ITGA10: variants seen among roughly 807,000 people sequenced by gnomAD.
The protein encoded by ITGA10 is integrin subunit alpha 10.
ITGA10 carries 105 observed loss-of-function variants against 145.2 expected under a neutral mutation model. The observed-to-expected ratio is 0.72, with a 90% CI of 0.62 to 0.85. ITGA10 has a LOEUF of 0.85. ITGA10 is among the 40% of genes least tolerant of loss of function. ITGA10 has a pLI of 0.00. For synonymous variants in ITGA10, 506 were observed against 557.8 expected (o/e 0.91, Z 1.31); for missense variants, 1,317 against 1,444.5 (o/e 0.91, Z 1.43).
rs1655611533 is a variant in ITGA10, at chr1:145,897,580, T to C, written c.2506A>G (p.Asn836Asp). Residue 836 changes from asparagine to aspartate, a missense_variant, in exon 20 of 30, where the codon AAT (asparagine) becomes GAT (aspartate). Physicochemically the swap from Asn to Asp is conservative, Grantham distance 23. Coordinates refer to ENST00000369304, the MANE Select transcript of ITGA10 (RefSeq NM_003637.5). ...AGACTCAGGCTCGTATTGTAAGCAT[T>C]TTCCTTTCTGTTCTCCAGAGTTGTA... is the stretch of plus-strand genomic sequence containing the variant. The part of the protein sequence containing the change: ...VSTTLENRKE[N>D]AYNTSLSLIF... 6.2e-7 allele frequency: 1 copy of C among 1,613,902 alleles called. No homozygotes were observed. Among genetic ancestry groups the C allele is most frequent in the African/African-American group, 1.3e-5 (1 of 74,850 alleles).
chr1:145,902,628 T>A lies in ITGA10; in HGVS notation c.910-9A>T, dbSNP rs782347117. On this transcript the variant is annotated splice_polypyrimidine_tract_variant and intron_variant, in intron 8 of 29. Transcript: ENST00000369304. ...AGGTAGTGACCAAGGACCTAAGAGGTCATAAGATCAAGGAATGAGGCATTA... is the reference window on the plus strand; with the variant it reads ...AGGTAGTGACCAAGGACCTAAGAGGACATAAGATCAAGGAATGAGGCATTA... The A allele has an allele frequency of 1.3e-6, 2 of 1,589,146 alleles. No homozygotes were observed. Among genetic ancestry groups the A allele is most frequent in the South Asian group, 2.3e-5 (2 of 85,802 alleles).
Position 145,892,723 on chromosome 1 carries a change from C to G in ITGA10, c.*75G>C. Reference sequence around the variant, plus strand: ...GAGGCGGCTTCTTGTCCCATCTGAGCCCCCAAACCTCTGCTTTTATGCAAG... The same window carrying G: ...GAGGCGGCTTCTTGTCCCATCTGAGGCCCCAAACCTCTGCTTTTATGCAAG... On this transcript the variant is annotated 3_prime_UTR_variant, in exon 30 of 30. Coordinates refer to ENST00000369304, the MANE Select transcript of ITGA10 (RefSeq NM_003637.5). 1.7e-6 allele frequency: 2 copies of G among 1,155,560 alleles called. No individual in the cohort carries two copies. Among genetic ancestry groups the G allele is most frequent in the South Asian group, 2.5e-5 (2 of 79,242 alleles). 71.6% of individuals were successfully genotyped at this position (1,155,560 alleles called of 1,614,324 possible).
At chr1:145,896,467 G>T (rs1420001052) in intron 23 of ITGA10, 115 bp from the exon 24 acceptor site, 2 of 806,092 alleles carry the variant, frequency 2.5e-6, no homozygotes, top group Non-Finnish European at 4.4e-6. Context: ...CATGGATAAA[G>T]AGGTGGGGGT....
At position 145,901,988 on chromosome 1, in the gene ITGA10, C is replaced by T; in HGVS notation, c.1183G>A (p.Asp395Asn). 1.2e-6 allele frequency: 2 copies of T among 1,614,146 alleles called. No individual in the cohort carries two copies. Among genetic ancestry groups the T allele is most frequent in the Non-Finnish European group, 1.7e-6 (2 of 1,180,026 alleles). Residue 395 changes from aspartate to asparagine, a missense_variant, in exon 11 of 30, where the codon GAC (aspartate) becomes AAC (asparagine). By Grantham distance (23) the Asp-to-Asn change is conservative. Transcript: ENST00000369304. This position sits in a 1 kb window ranked among gnomAD's most constrained non-coding sequence, Gnocchi z 4.3. ...AGCCATAGCACAGAGCCTCCCCAGT[C>T]ATAGGCCCCCACCATCCCAAAAAGA... ...GILFGMVGAY[D>N]WGGSVLWLEG... is the part of the protein sequence containing the mutation.
At position 145,906,955 on chromosome 1, in the gene ITGA10, G is replaced by A. The variant is rs1215062608; in HGVS notation, c.274+86C>T. ...GGACAGGGAGTATGCGGATTTTAGG[G>A]GTGAAAAAGCTGAGGTATAGGGAGT... On this transcript the variant is annotated intron_variant, in intron 3 of 29. Transcript: ENST00000369304. 1.4e-5 allele frequency: 16 copies of A among 1,173,382 alleles called. No individual in the cohort carries two copies. In the East Asian group the frequency reaches 3.9e-4, roughly 28 times the overall value. The allele number at this position is 1,173,382 out of a possible 1,614,324, so 72.7% of individuals were successfully genotyped here. A position where few individuals can be genotyped will look rare whatever the true frequency, so the allele number is the denominator to read the frequency against.
chr1:145,902,977 A>C lies in ITGA10; in HGVS notation c.759-16T>G. The C allele has an allele frequency of 6.4e-7, 1 of 1,570,456 alleles. No homozygotes were observed. The highest frequency in any genetic ancestry group is 8.6e-7 in the Non-Finnish European group (1 of 1,159,518). On this transcript the variant is annotated splice_polypyrimidine_tract_variant and intron_variant, in intron 7 of 29. Coordinates refer to ENST00000369304, the MANE Select transcript of ITGA10 (RefSeq NM_003637.5). ...CCCTTCTGTGCTGAGAAGAGAAAGG[A>C]GTGAGGTGAGATCAGATGTATGCAG...
At chr1:145,894,744 C>T (rs1246709661) in intron 27 of ITGA10, among the ~76,000 whole-genome samples, 1 of 152,190 alleles carries the variant, frequency 6.6e-6, no homozygotes, top group Non-Finnish European at 1.5e-5. Flanking sequence ...TACAATCTTA[C>T]TTCCCACCAC....
At chr1:145,897,714 C>T (rs994621508) in intron 19 of ITGA10, 61 bp from the exon 20 acceptor site, 4 of 1,613,070 alleles carry the variant, frequency 2.5e-6, no homozygotes, top group South Asian at 1.1e-5. Context: ...AAAAGTCTCA[C>T]TTTTGTTATC....
chr1:145,900,429 G>C (rs1317386577), intron 14 of ITGA10, among the ~76,000 whole-genome samples: 1 of 151,958 alleles, frequency 6.6e-6, no homozygotes, highest in Non-Finnish European at 1.5e-5. Flanking sequence ...CACCAGGCCC[G>C]GCTAATTTTT....
In ITGA10 at chr1:145,901,023, A is replaced by C. The variant is rs1559202294; in HGVS notation, c.1588-30T>G. On this transcript the variant is annotated intron_variant, in intron 13 of 29. Transcript: ENST00000369304. This position sits in a 1 kb window ranked among gnomAD's most constrained non-coding sequence, Gnocchi z 4.3. ...TGGAGGAGAGAAGATAGAAGATGCT[A>C]ATCTGGCAGACCCAACCTCTCAGCA... 1 of 1,613,426 alleles carries C rather than the reference A, an allele frequency of 6.2e-7. No homozygotes were observed. Among genetic ancestry groups the C allele is most frequent in the African/African-American group, 1.3e-5 (1 of 74,856 alleles).
intron 17 of ITGA10, 104 bp downstream of exon 17, chr1:145,898,831 TC>T: frequency 7.3e-7 from 1 of 1,365,628 alleles, no homozygotes; most frequent in South Asian, 1.4e-5. Context: ...CATCTCATTT[TC>T]CCGGCTTTGG....
chr1:145,900,672 C>A, intron 14 of ITGA10, 118 bp downstream of exon 14: 1 of 1,058,048 alleles, frequency 9.5e-7, no homozygotes, highest in Non-Finnish European at 1.4e-6. Context: ...TTTTTGCCTA[C>A]TAATAAAAGC....
intron 27 of ITGA10, 73 bp downstream of exon 27, chr1:145,895,207 T>C: frequency 9.1e-7 from 1 of 1,099,454 alleles, no homozygotes. Context: ...CGTGGGTCTG[T>C]CTACCTCCAA....
At chr1:145,893,089 T>C (rs781973188) in intron 29 of ITGA10, 72 bp downstream of exon 29, 70 of 1,204,810 alleles carry the variant, frequency 5.8e-5, no homozygotes, top group Non-Finnish European at 8.5e-5. Flanking sequence ...AATCCTGTTC[T>C]CTCTGCTATA....
intron 2 of ITGA10, 32 bp from the exon 3 acceptor site, chr1:145,907,182 A>G: frequency 6.4e-7 from 1 of 1,559,634 alleles, no homozygotes; most frequent in Non-Finnish European, 8.7e-7. Context: ...AAGTAAGCAC[A>G]GGGCAAACAT....
intron 21 of ITGA10, 34 bp downstream of exon 21, chr1:145,897,213 T>C (rs1655538804): frequency 1.2e-6 from 2 of 1,605,462 alleles, no homozygotes; most frequent in Admixed American, 1.7e-5. Context: ...TCTGCCCTCC[T>C]AGAGCCCTCT....
chr1:145,904,703 A>G lies in ITGA10; in HGVS notation c.590T>C (p.Ile197Thr). The change falls in exon 6 of 30, where the codon ATT becomes ACT. Residue 197 changes from isoleucine (I) to threonine (T), a missense_variant. Ile to Thr is a moderately conservative substitution (Grantham distance 89). Transcript: ENST00000369304. Reference sequence around the variant, plus strand: ...TCTTACCTGTATCTGTTCTGGGTCAATAAACAGTTTCCCTACCAGTCTTCG... The same window carrying G: ...TCTTACCTGTATCTGTTCTGGGTCAGTAAACAGTTTCCCTACCAGTCTTCG... ...FLRRLVGKLF[I>T]DPEQIQVGLV... is the part of the protein sequence containing the mutation. The G allele has an allele frequency of 6.2e-7, 1 of 1,614,020 alleles. No individual in the cohort carries two copies. Among genetic ancestry groups the G allele is most frequent in the South Asian group, 1.1e-5 (1 of 91,080 alleles).
In ITGA10 at chr1:145,901,204, C is replaced by T; in HGVS notation, c.1518G>A (p.Val506=). Residue 506 remains valine, a synonymous_variant, in exon 13 of 30, where the codon GTG becomes GTA. Coordinates refer to ENST00000369304, the MANE Select transcript of ITGA10 (RefSeq NM_003637.5). The surrounding 1 kb of genome is among the most constrained non-coding windows in gnomAD (Gnocchi z 4.3). ...DRDGTTDVLL[V]AAPMFLGPQN... Reference sequence around the variant, plus strand: ...GGGGTCCCAGGAACATGGGGGCAGCCACAAGTAAGACATCAGTTGTTCCAT... The same window carrying T: ...GGGGTCCCAGGAACATGGGGGCAGCTACAAGTAAGACATCAGTTGTTCCAT... 6.2e-7 allele frequency: 1 copy of T among 1,614,046 alleles called. No homozygotes were observed. The highest frequency in any genetic ancestry group is 1.3e-5 in the African/African-American group (1 of 74,972).
At chr1:145,903,002 GACACACACACACACACACACATACACAC>G (rs1314408368) in intron 7 of ITGA10, 41 bp from the exon 8 acceptor site, 183 of 1,097,474 alleles carry the variant, frequency 1.7e-4, no homozygotes, top group South Asian at 4.5e-4. Context: ...GATGTATGCA[GACACACACACACACACACACATACACAC>G]ACACACACAC....
Sources: allele counts gnomAD v4.1 joint callset (sites outside exome capture counted in the v4.1 genomes callset), GRCh38; gene constraint gnomAD v4.1.1; non-coding constraint Gnocchi (gnomAD v3.1); transcripts MANE v1.5; gene names NCBI Gene and HGNC (gene_info 2026-07-23, HGNC 2026-07-21).